Variants in PRKG1 observed in about 807,000 individuals in gnomAD.
PRKG1 encodes cGMP-dependent protein kinase 1.
A neutral mutation model predicts 88.1 loss-of-function variants in PRKG1; 35 were observed. The ratio of observed to expected loss-of-function variants is 0.40; its 90% confidence interval spans 0.30 to 0.53. The LOEUF (loss-of-function observed/expected upper bound fraction) is 0.53. PRKG1 is among the 20% of genes least tolerant of loss of function. The pLI, the probability that PRKG1 is intolerant of heterozygous loss-of-function variation, is 0.59. For synonymous variants in PRKG1, 303 were observed against 292.5 expected, an observed-to-expected ratio of 1.04 and a Z score of -0.37; for missense variants, 540 against 839.8, an observed-to-expected ratio of 0.64 and a Z score of 4.41.
At chr10:51,220,528 T>C (rs1237352333) in intron 2 of PRKG1, among the ~76,000 whole-genome samples, 1 of 151,588 alleles carries the variant, frequency 6.6e-6, no homozygotes, top group Non-Finnish European at 1.5e-5. Flanking sequence ...GTGTAAAAAA[T>C]GCACAAAATC....
At chr10:51,012,520 A>G (rs1589106139) in intron 1 of PRKG1, among the ~76,000 whole-genome samples, 1 of 152,208 alleles carries the variant, frequency 6.6e-6, no homozygotes, top group African/African-American at 2.4e-5. Context: ...ACCCATGGGC[A>G]TACAATCAGT....
intron 3 of PRKG1, among the ~76,000 whole-genome samples, chr10:51,744,234 C>T (rs1445365832): frequency 1.3e-5 from 2 of 152,032 alleles, no homozygotes; most frequent in Non-Finnish European, 2.9e-5. Flanking sequence ...TGCTGTTATC[C>T]TCATTTTCTT....
At chr10:51,420,266 C>T (rs1838371724) in intron 2 of PRKG1, among the ~76,000 whole-genome samples, 2 of 152,146 alleles carry the variant, frequency 1.3e-5, no homozygotes. Flanking sequence ...GTATTACTAT[C>T]TGAATAGACC....
chr10:51,667,375 G>A (rs185364145), intron 3 of PRKG1, among the ~76,000 whole-genome samples: 35 of 152,168 alleles, frequency 2.3e-4, no homozygotes, highest in Admixed American at 7.9e-4. Context: ...TTTTAGATAC[G>A]TACAGCCTTC....
intron 3 of PRKG1, among the ~76,000 whole-genome samples, chr10:51,663,902 A>G (rs1164473539): frequency 6.6e-6 from 1 of 152,028 alleles, no homozygotes; most frequent in Non-Finnish European, 1.5e-5. Flanking sequence ...AATTTTAATA[A>G]TGGTTTCAAA....
At chr10:51,457,591 A>G (rs577029681) in intron 2 of PRKG1, among the ~76,000 whole-genome samples, 8 of 152,226 alleles carry the variant, frequency 5.3e-5, no homozygotes, top group Non-Finnish European at 1.2e-4. Context: ...TAAAATACCA[A>G]AAATAAACAG....
intron 1 of PRKG1, among the ~76,000 whole-genome samples, chr10:51,095,238 C>T (rs959900949): frequency 2.4e-4 from 37 of 152,042 alleles, no homozygotes; most frequent in African/African-American, 5.6e-4. Context: ...CTTTTAGTTT[C>T]GGGATGCTTC....
chr10:52,144,787 AC>A (rs1285395936), intron 8 of PRKG1, among the ~76,000 whole-genome samples: 3 of 152,032 alleles, frequency 2.0e-5, no homozygotes, highest in African/African-American at 7.2e-5. Context: ...ACTGTACTCC[AC>A]CCTGGGCGAC....
chr10:51,677,684 A>G (rs1392066647), intron 3 of PRKG1, among the ~76,000 whole-genome samples: 3 of 152,182 alleles, frequency 2.0e-5, no homozygotes, highest in Non-Finnish European at 2.9e-5. Context: ...CAGTTGCCAC[A>G]ATGTCCAAAG....
chr10:51,315,434 A>C (rs746248203), intron 2 of PRKG1, among the ~76,000 whole-genome samples: 11 of 152,210 alleles, frequency 7.2e-5, no homozygotes, highest in Non-Finnish European at 1.2e-4. Flanking sequence ...GTTATAAATA[A>C]TAAAGAAACT....
intron 2 of PRKG1, among the ~76,000 whole-genome samples, chr10:51,299,153 T>C (rs1287110538): frequency 6.6e-6 from 1 of 152,168 alleles, no homozygotes; most frequent in Non-Finnish European, 1.5e-5. Flanking sequence ...GATGAATTTA[T>C]TGCTTAAGAC....
chr10:51,204,379 TG>T (rs1375894624), intron 2 of PRKG1, among the ~76,000 whole-genome samples: 4 of 151,824 alleles, frequency 2.6e-5, no homozygotes, highest in African/African-American at 9.7e-5. Flanking sequence ...TGTGTGTGTG[TG>T]TGTGTGTGTG....
intron 5 of PRKG1, among the ~76,000 whole-genome samples, chr10:51,912,543 C>G (rs901185414): frequency 9.9e-5 from 15 of 151,890 alleles, no homozygotes; most frequent in African/African-American, 3.4e-4. Context: ...AACAATACTT[C>G]CAGCAGAAGA....
intron 1 of PRKG1, among the ~76,000 whole-genome samples, chr10:51,042,022 G>A (rs1232860264): frequency 2.0e-5 from 3 of 152,100 alleles, no homozygotes; most frequent in East Asian, 1.9e-4. Context: ...TGTCCTCTGA[G>A]CCAGCAAAGT....
rs1292641063 is a variant in PRKG1, at chr10:51,544,985, GT to G, written c.592+77160del. 8.2e-3 allele frequency among the ~76,000 whole-genome samples: 1,198 copies of G among 146,592 alleles called. 9 individuals carry two copies. The highest frequency in any genetic ancestry group is 0.025 in the African/African-American group (1,008 of 40,122). On this transcript the variant is annotated intron_variant, in intron 3 of 17. Transcript: ENST00000373980. ...AAATGCAAATCAAAACCACAATGAG[GT>G]TTTTTTTTTTATTTTTAATTTCCCT...
rs1192935820 is a variant in PRKG1 at position 52,298,320 on chromosome 10, G to A, written c.*4420G>A. 1 of 150,746 alleles carries A rather than the reference G, an allele frequency of 6.6e-6. No homozygotes were observed. Among genetic ancestry groups the A allele is most frequent in the Non-Finnish European group, 1.5e-5 (1 of 67,852 alleles). The allele number at this position is 150,746 out of a possible 1,614,324, so 9.3% of individuals were successfully genotyped here. ...CTGAGTGCCTGTTGTATACTTTATA[G>A]AGTTGAAATAAAAAAATAATTACTT... On this transcript the variant is annotated 3_prime_UTR_variant, in exon 18 of 18. Coordinates refer to ENST00000373980, the MANE Select transcript of PRKG1 (RefSeq NM_006258.4).
At chr10:51,167,494 A>G (rs1846580210) in intron 2 of PRKG1, among the ~76,000 whole-genome samples, 1 of 152,150 alleles carries the variant, frequency 6.6e-6, no homozygotes, top group African/African-American at 2.4e-5. Flanking sequence ...GAGATGAGAC[A>G]TGATCTGATT....
chr10:51,282,174 C>T (rs113080012), intron 2 of PRKG1, among the ~76,000 whole-genome samples: 70 of 152,088 alleles, frequency 4.6e-4, no homozygotes, highest in African/African-American at 1.5e-3. Context: ...TAGGATGTTC[C>T]TTAAGTTTCC....
chr10:51,825,852 C>T (rs1024989520), intron 4 of PRKG1, among the ~76,000 whole-genome samples: 3 of 152,154 alleles, frequency 2.0e-5, no homozygotes, highest in African/African-American at 7.2e-5. Flanking sequence ...GGCTCAAAAC[C>T]GTCTCATCCC....
Sources: gnomAD v4.1 joint callset for allele counts (sites outside exome capture counted in the v4.1 genomes callset) on GRCh38, gnomAD v4.1.1 for gene constraint, MANE v1.5 for transcripts, NCBI Gene and HGNC (gene_info 2026-07-23, HGNC 2026-07-21) for gene names.